Variants in PTDSS1 observed in about 807,000 individuals in gnomAD.
PTDSS1 encodes PSS-1.
In PTDSS1, 45 loss-of-function variants were observed where a neutral mutation model predicts 70.5. The observed-to-expected ratio is 0.64, with a 90% CI of 0.50 to 0.82. PTDSS1 has a LOEUF of 0.82. Ranked by LOEUF, PTDSS1 falls within the 40% of genes least tolerant of loss-of-function variation. PTDSS1 has a pLI of 0.00. For missense variants in PTDSS1, 417 were observed against 586.1 expected, an observed-to-expected ratio of 0.71 and a Z score of 2.98; for synonymous variants, 188 against 203.8, an observed-to-expected ratio of 0.92 and a Z score of 0.66.
chr8:96,293,740 G>A (rs1018823443), intron 4 of PTDSS1, among the ~76,000 whole-genome samples: 1 of 152,242 alleles, frequency 6.6e-6, no homozygotes, highest in African/African-American at 2.4e-5. Context: ...TTATCTGCAA[G>A]CTGTGATTAC....
At chr8:96,303,260 G>A (rs1010379497) in intron 6 of PTDSS1, among the ~76,000 whole-genome samples, 1 of 152,084 alleles carries the variant, frequency 6.6e-6, no homozygotes, top group Non-Finnish European at 1.5e-5. Context: ...TCTTCTTGCT[G>A]TGATGTTTTC....
At chr8:96,319,915 T>A (rs1811350504) in intron 9 of PTDSS1, among the ~76,000 whole-genome samples, 1 of 152,194 alleles carries the variant, frequency 6.6e-6, no homozygotes, top group Non-Finnish European at 1.5e-5. Context: ...AGTTTCCCTG[T>A]GCCTGAGAGG....
chr8:96,280,519 G>C (rs1729585068), intron 2 of PTDSS1, among the ~76,000 whole-genome samples: 1 of 152,086 alleles, frequency 6.6e-6, no homozygotes, highest in Admixed American at 6.5e-5. Flanking sequence ...AGTGAGCTGA[G>C]ATCGCGCCAG....
In PTDSS1 at chr8:96,277,338, G is replaced by C. The variant is rs1178635421; in HGVS notation, c.271+3948G>C. Among the ~76,000 whole-genome samples, 3 of 152,354 alleles carry C rather than the reference G, an allele frequency of 2.0e-5. No individual in the cohort carries two copies. The East Asian group carries it at 5.8e-4, about 29-fold the overall frequency. On this transcript the variant is annotated intron_variant, in intron 2 of 12. Transcript: ENST00000517309. ...GTGGAGATGGTGGGGAGTTGGGAGG[G>C]CCCTGGGCAGGGTGCCCCTGAGGTG...
chr8:96,261,951 G>A lies in PTDSS1; in HGVS notation c.-90G>A. 1.5e-6 allele frequency: 2 copies of A among 1,372,712 alleles called. No individual in the cohort carries two copies. The highest frequency in any genetic ancestry group is 1.4e-5 in the South Asian group (1 of 73,188). 85.0% of individuals were successfully genotyped at this position (1,372,712 alleles called of 1,614,324 possible). ...GCGCCAGACCCGGCTTTGCCGTCCGGCTATTAGCCTACTGTGGCTAGTCAC... is the reference window on the plus strand; with the variant it reads ...GCGCCAGACCCGGCTTTGCCGTCCGACTATTAGCCTACTGTGGCTAGTCAC... On this transcript the variant is annotated 5_prime_UTR_variant, in exon 1 of 13. Coordinates refer to ENST00000517309, the MANE Select transcript of PTDSS1 (RefSeq NM_014754.3).
chr8:96,297,691 C>T (rs779320830), intron 5 of PTDSS1, among the ~76,000 whole-genome samples: 35 of 152,208 alleles, frequency 2.3e-4, no homozygotes, highest in Admixed American at 2.0e-3. Flanking sequence ...CAGAGCTCAG[C>T]TCTGGAAGGC....
intron 10 of PTDSS1, among the ~76,000 whole-genome samples, chr8:96,324,666 AGGGCTTT>A (rs1382543397): frequency 6.6e-6 from 1 of 152,178 alleles, no homozygotes; most frequent in African/African-American, 2.4e-5. Flanking sequence ...TCCATTCATG[AGGGCTTT>A]GCCCTCATGA....
intron 4 of PTDSS1, among the ~76,000 whole-genome samples, chr8:96,288,138 T>C (rs1192212409): frequency 2.6e-5 from 4 of 152,044 alleles, no homozygotes; most frequent in Non-Finnish European, 5.9e-5. Flanking sequence ...GTAAAGGACA[T>C]GATAAAGGAT....
chr8:96,317,651 C>T (rs1292572566), intron 9 of PTDSS1, among the ~76,000 whole-genome samples: 1 of 152,010 alleles, frequency 6.6e-6, no homozygotes, highest in East Asian at 1.9e-4. Context: ...AGAAGAATTG[C>T]TTGAGCCTGG....
intron 8 of PTDSS1, among the ~76,000 whole-genome samples, chr8:96,308,267 G>A (rs996807520): frequency 6.6e-6 from 1 of 152,186 alleles, no homozygotes; most frequent in Admixed American, 6.5e-5. Flanking sequence ...CAGTTAGAGT[G>A]TAAAGTAGCT....
At chr8:96,327,310 C>T (rs1273707953) in intron 10 of PTDSS1, among the ~76,000 whole-genome samples, 1 of 151,974 alleles carries the variant, frequency 6.6e-6, no homozygotes, top group African/African-American at 2.4e-5. Context: ...AGGCCGGGGA[C>T]GATGAGCAGG....
chr8:96,274,211 G>A lies in PTDSS1; in HGVS notation c.271+821G>A, dbSNP rs115906269. ...GTCTTTCTTAGGGGTTATTCTCCAT[G>A]GGCCGGACGTACTCGGGTTTTAAAT... is the stretch of plus-strand genomic sequence containing the variant. On this transcript the variant is annotated intron_variant, in intron 2 of 12. Coordinates refer to ENST00000517309, the MANE Select transcript of PTDSS1 (RefSeq NM_014754.3). Among the ~76,000 whole-genome samples, 673 of 151,562 alleles carry A rather than the reference G, an allele frequency of 4.4e-3. 4 individuals carry two copies. Among genetic ancestry groups the A allele is most frequent in the African/African-American group, 0.014 (590 of 41,284 alleles).
chr8:96,304,985 A>G (rs1397089744), intron 7 of PTDSS1, among the ~76,000 whole-genome samples: 1 of 152,270 alleles, frequency 6.6e-6, no homozygotes, highest in Non-Finnish European at 1.5e-5. Context: ...GACAATGCCC[A>G]TCGCAATAAA....
At chr8:96,319,114 A>T (rs1811337466) in intron 9 of PTDSS1, among the ~76,000 whole-genome samples, 3 of 151,626 alleles carry the variant, frequency 2.0e-5, no homozygotes, top group Admixed American at 2.0e-4. Context: ...GGGTTTTACC[A>T]TCTTGGTCAG....
intron 4 of PTDSS1, 136 bp downstream of exon 4, chr8:96,287,282 G>A: frequency 1.6e-6 from 2 of 1,250,616 alleles, no homozygotes; most frequent in East Asian, 2.4e-5. Context: ...TCTCTGGGAG[G>A]GTTGTTGAGT....
At chr8:96,332,556 G>C (rs555985530) in intron 12 of PTDSS1, among the ~76,000 whole-genome samples, 78 of 152,338 alleles carry the variant, frequency 5.1e-4, no homozygotes, top group Non-Finnish European at 5.9e-5. Flanking sequence ...AAATCTGATA[G>C]AGATGGACAG....
In PTDSS1 at chr8:96,305,588, CT is replaced by C. The variant is rs549776606; in HGVS notation, c.895-852del. ...AACTTGGACCAACCCTTCATACCTA[CT>C]TTTAAGGACTGCCTTTGGTAGAGGA... On this transcript the variant is annotated intron_variant, in intron 7 of 12. Transcript: ENST00000517309. 8.2e-4 allele frequency among the ~76,000 whole-genome samples: 125 copies of C among 152,332 alleles called. No homozygotes were observed. The Middle Eastern group carries it at 0.01, about 12-fold the overall frequency.
Position 96,262,257 on chromosome 8 carries a change from GCTAGGGAAGAGGCGGGAGGGA to G in PTDSS1, c.179+39_179+59del. 6.7e-7 allele frequency: 1 copy of G among 1,502,870 alleles called. No homozygotes were observed. 93.1% of individuals were successfully genotyped at this position (1,502,870 alleles called of 1,614,324 possible). ...AGCCGAGCGGGGGGCGCGTCCAAGG[GCTAGGGAAGAGGCGGGAGGGA>G]GGGTGGCGGGGAGGGGGGCCCGGCA... On this transcript the variant is annotated intron_variant, in intron 1 of 12. Coordinates refer to ENST00000517309, the MANE Select transcript of PTDSS1 (RefSeq NM_014754.3). The surrounding 1 kb of genome is among the most constrained non-coding windows in gnomAD (Gnocchi z 4.4).
At chr8:96,309,448 T>C in intron 8 of PTDSS1, 109 bp from the exon 9 acceptor site, 1 of 911,032 alleles carries the variant, frequency 1.1e-6, no homozygotes, top group South Asian at 1.5e-5. Flanking sequence ...CCAGGCAGCC[T>C]GACATGGGAC....
Sources: gnomAD v4.1 joint callset for allele counts (sites outside exome capture counted in the v4.1 genomes callset) on GRCh38, gnomAD v4.1.1 for gene constraint, Gnocchi (gnomAD v3.1) non-coding constraint, MANE v1.5 for transcripts, NCBI Gene and HGNC (gene_info 2026-07-23, HGNC 2026-07-21) for gene names.